The following EHMT2 variants were observed in gnomAD, a reference collection of about 807,000 sequenced individuals.
EHMT2 encodes the protein euchromatic histone lysine methyltransferase 2.
EHMT2 carries 59 observed loss-of-function variants against 143.3 expected under a neutral mutation model. The ratio of observed to expected loss-of-function variants is 0.41; its 90% CI spans 0.33 to 0.51. EHMT2 has a LOEUF of 0.51. Among genes scored for constraint, EHMT2 ranks in the 20% least tolerant of loss-of-function variants. EHMT2 has a pLI of 0.18. For synonymous variants in EHMT2, 604 were observed against 651.5 expected (o/e 0.93, Z 1.11); for missense variants, 1,174 against 1,645.9 (o/e 0.71, Z 4.96).
exon 14 of EHMT2, chr6:31,887,886 C>T (rs1300809254): frequency 6.2e-7 from 1 of 1,611,396 alleles, no homozygotes; most frequent in South Asian, 1.1e-5. Context: ...TCAGGGAGGG[C>T]CCTGAGCTGT....
chr6:31,897,197 C>T (rs1287473426), intron 1 of EHMT2: 2 of 1,269,962 alleles, frequency 1.6e-6, no homozygotes, highest in Admixed American at 3.8e-5. Flanking sequence ...TCGGTAGACC[C>T]CGCATCTCTG....
At chr6:31,892,857 A>G in exon 5 of EHMT2, 5 of 1,602,728 alleles carry the variant, frequency 3.1e-6, no homozygotes, top group Non-Finnish European at 3.4e-6. Context: ...AGTGGACATC[A>G]TCACTCATGC....
chr6:31,880,715 G>A lies in EHMT2; in HGVS notation c.3410C>T (p.Ala1137Val). Reference sequence around the variant, plus strand: ...CCGGATGTCTCGGGAACTGAAGAAGGCGATGCGTGGAAATCGCAGGTCTTG... The same window carrying A: ...CCGGATGTCTCGGGAACTGAAGAAGACGATGCGTGGAAATCGCAGGTCTTG... Residue 1137 changes from alanine (A) to valine (V), a missense_variant, in exon 27 of 28, where the codon GCC (alanine) becomes GTC (valine). Coordinates refer to ENST00000375537, the Ensembl canonical transcript of EHMT2. The surrounding 1 kb of genome is among the most constrained non-coding windows in gnomAD (Gnocchi z 6.6). 1 of 1,613,894 alleles carries A rather than the reference G, an allele frequency of 6.2e-7. No homozygotes were observed. The highest frequency in any genetic ancestry group is 8.5e-7 in the Non-Finnish European group (1 of 1,180,014).
exon 3 of EHMT2, chr6:31,896,824 A>G (rs1329471274): frequency 6.2e-7 from 1 of 1,612,690 alleles, no homozygotes; most frequent in Admixed American, 1.7e-5. Context: ...AGAGCCATGA[A>G]CTGTAGAGGA....
At chr6:31,885,200 G>A (rs1408538830) in intron 18 of EHMT2, 184 bp from the exon 19 acceptor site, 15 of 753,924 alleles carry the variant, frequency 2.0e-5, no homozygotes, top group South Asian at 1.5e-4. Context: ...TAGTAGGGTC[G>A]GGCGCGGTGG....
intron 4 of EHMT2, 66 bp downstream of exon 4, chr6:31,896,197 G>A (rs747398242): frequency 1.3e-6 from 2 of 1,538,482 alleles, no homozygotes; most frequent in South Asian, 1.3e-5. Flanking sequence ...GAAGCCTTAA[G>A]TGAAACTGTA....
Position 31,880,030 on chromosome 6 carries a change from G to T in EHMT2, c.*54C>A. The T allele has an allele frequency of 6.3e-7, 1 of 1,578,552 alleles. No homozygotes were observed. The highest frequency in any genetic ancestry group is 8.6e-7 in the Non-Finnish European group (1 of 1,157,406). On this transcript the variant is annotated 3_prime_UTR_variant, in exon 28 of 28. Coordinates refer to ENST00000375537, the Ensembl canonical transcript of EHMT2. This position sits in a 1 kb window ranked among gnomAD's most constrained non-coding sequence, Gnocchi z 6.6. ...TGGGCTGCGAGCAGCTGGTGGCAGA[G>T]GAGGCGGCTGAGCTGTGGCCATCCA...
At chr6:31,890,800 G>A (rs1231478528) in intron 7 of EHMT2, among the ~76,000 whole-genome samples, 1 of 150,236 alleles carries the variant, frequency 6.7e-6, no homozygotes, top group African/African-American at 2.4e-5. Flanking sequence ...AGGAGGTGGA[G>A]CTTGCAGTGA....
Position 31,896,534 on chromosome 6 carries a change from A to G in EHMT2, c.329-18T>C, listed in dbSNP as rs1293725214. On this transcript the variant is annotated intron_variant, in intron 3 of 27. Transcript: ENST00000375537. ...GGCATGGCCTAGAAAACAGGCAAGC[A>G]AAAGGCAAGATAAGAAAGAAGGCAA... The G allele has an allele frequency of 3.7e-6, 6 of 1,611,290 alleles. No homozygotes were observed. In the South Asian group the frequency reaches 5.5e-5, roughly 15 times the overall value.
At position 31,884,826 on chromosome 6, in the gene EHMT2, A is replaced by G; in HGVS notation, c.2449-27T>C. The G allele has an allele frequency of 6.3e-7, 1 of 1,582,082 alleles. No individual in the cohort carries two copies. The highest frequency in any genetic ancestry group is 8.6e-7 in the Non-Finnish European group (1 of 1,159,928). On this transcript the variant is annotated intron_variant, in intron 19 of 27. Transcript: ENST00000375537. The surrounding 1 kb of genome is among the most constrained non-coding windows in gnomAD (Gnocchi z 7.3). ...TGTGGAGGTAGGAGGGGAACAGATG[A>G]GGTGCAGGCAGCTGGGCCCTTGAAT...
Position 31,884,712 on chromosome 6 carries a change from C to T in EHMT2, c.2536G>A (p.Ala846Thr), listed in dbSNP as rs531825556. ...GGGGTGTCCCCATGGTAGTTGACAG[C>T]ATGGAGGTCACAGCGCGCATTCAGA... Residue 846 changes from alanine to threonine, a missense_variant, in exon 20 of 28, where the codon GCT (alanine) becomes ACT (threonine). Ala to Thr is a moderately conservative substitution (Grantham distance 58). Transcript: ENST00000375537. The surrounding 1 kb of genome is among the most constrained non-coding windows in gnomAD (Gnocchi z 7.3). The T allele has an allele frequency of 1.3e-6, 2 of 1,592,970 alleles. No individual in the cohort carries two copies. The highest frequency in any genetic ancestry group is 2.2e-5 in the East Asian group (1 of 44,544).
At chr6:31,896,014 G>A (rs1357214430) in intron 4 of EHMT2, 6 of 438,678 alleles carry the variant, frequency 1.4e-5, no homozygotes, top group African/African-American at 2.0e-5. Context: ...ATTATCATAA[G>A]AGTAATTAAG....
At position 31,883,340 on chromosome 6, in the gene EHMT2, G is replaced by T; in HGVS notation, c.2994+22C>A. 6.2e-7 allele frequency: 1 copy of T among 1,611,800 alleles called. No homozygotes were observed. ...TCTGAAGGAGGGGCCGGGTGTCTGT[G>T]GCCAAGGCAAGGGGCACGCACCTTG... On this transcript the variant is annotated intron_variant, in intron 23 of 27. Coordinates refer to ENST00000375537, the Ensembl canonical transcript of EHMT2. This position sits in a 1 kb window ranked among gnomAD's most constrained non-coding sequence, Gnocchi z 5.6.
At chr6:31,897,154 C>T (rs754484405) in intron 1 of EHMT2, 165 bp from the exon 2 acceptor site, 3 of 1,354,604 alleles carry the variant, frequency 2.2e-6, no homozygotes, top group Admixed American at 3.6e-5. Context: ...GCCGCACGAC[C>T]CCTCCCCCGG....
At position 31,886,856 on chromosome 6, in the gene EHMT2, C is replaced by T. The variant is rs140999480; in HGVS notation, c.2160G>A (p.Thr720=). 1.2e-3 allele frequency: 2,000 copies of T among 1,614,196 alleles called. 7 individuals carry two copies. Among genetic ancestry groups the T allele is most frequent in the Non-Finnish European group, 1.2e-3 (1,426 of 1,180,036 alleles). Residue 720 remains threonine (T), a synonymous_variant, in exon 17 of 28, where the codon ACG becomes ACA. Coordinates refer to ENST00000375537, the Ensembl canonical transcript of EHMT2. ...TGTTCACCACGGCCTCCATCAGTGG[C>T]GTCCGCTGCTGTTTGTCCACTGCAT...
Position 31,883,210 on chromosome 6 carries a change from A to G in EHMT2, c.2994+152T>C, listed in dbSNP as rs1440723892. On this transcript the variant is annotated intron_variant, in intron 23 of 27. Coordinates refer to ENST00000375537, the Ensembl canonical transcript of EHMT2. The surrounding 1 kb of genome is among the most constrained non-coding windows in gnomAD (Gnocchi z 5.6). ...ACACGCCCATCGCTGTCCCAGCCACATCCCAGGATTCCCAGGCCTTGCCCA... is the reference window on the plus strand; with the variant it reads ...ACACGCCCATCGCTGTCCCAGCCACGTCCCAGGATTCCCAGGCCTTGCCCA... 2 of 916,228 alleles carry G rather than the reference A, an allele frequency of 2.2e-6. No individual in the cohort carries two copies. The highest frequency in any genetic ancestry group is 3.3e-5 in the African/African-American group (2 of 60,428). The allele number at this position is 916,228 out of a possible 1,614,324, so 56.8% of individuals were successfully genotyped here.
exon 16 of EHMT2, chr6:31,887,008 T>C: frequency 6.2e-7 from 1 of 1,613,880 alleles, no homozygotes; most frequent in Non-Finnish European, 8.5e-7. Flanking sequence ...CAGCAGCACA[T>C]GGCAGATCTC....
At position 31,884,008 on chromosome 6, in the gene EHMT2, C is replaced by T; in HGVS notation, c.2772-58G>A. On this transcript the variant is annotated intron_variant, in intron 21 of 27. Transcript: ENST00000375537. This position sits in a 1 kb window ranked among gnomAD's most constrained non-coding sequence, Gnocchi z 7.3. ...TGGAAAAGGGGGTGAGGAGCTACTC[C>T]AGGTATAAGGAAGAGAGTTGGGGAG... 6.3e-7 allele frequency: 1 copy of T among 1,586,618 alleles called. No individual in the cohort carries two copies. Among genetic ancestry groups the T allele is most frequent in the Non-Finnish European group, 8.6e-7 (1 of 1,164,920 alleles).
intron 4 of EHMT2, chr6:31,893,368 TG>T (rs1371245550): frequency 2.2e-6 from 1 of 448,502 alleles, no homozygotes; most frequent in Non-Finnish European, 4.5e-6. Context: ...TTACCCAGGA[TG>T]GAGTGCAGTG....
Sources: allele counts gnomAD v4.1 joint callset (sites outside exome capture counted in the v4.1 genomes callset), GRCh38; gene constraint gnomAD v4.1.1; non-coding constraint Gnocchi (gnomAD v3.1); transcripts MANE v1.5; gene names NCBI Gene and HGNC (gene_info 2026-07-23, HGNC 2026-07-21).